Variants in TAFA2 observed in about 807,000 individuals in gnomAD.
TAFA2 encodes TAFA chemokine like family member 2.
A neutral mutation model predicts 18.8 loss-of-function variants in TAFA2; 7 were observed. That is an observed-to-expected ratio of 0.37 (90% confidence interval 0.21 to 0.70). The LOEUF is 0.70. Among genes scored for constraint, TAFA2 ranks in the 30% least tolerant of loss-of-function variants. The probability of loss-of-function intolerance (pLI) is 0.53; values close to 1 mark genes in which losing one functional copy is unlikely to be tolerated. For synonymous variants in TAFA2, 60 were observed against 54.2 expected, an observed-to-expected ratio of 1.11 and a Z score of -0.47; for missense variants, 122 against 158.1, an observed-to-expected ratio of 0.77 and a Z score of 1.23.
At chr12:62,179,612 C>T (rs748386639) in intron 1 of TAFA2, among the ~76,000 whole-genome samples, 15 of 152,240 alleles carry the variant, frequency 9.9e-5, no homozygotes, top group Admixed American at 3.9e-4. Context: ...TTTGGCTCCA[C>T]GCATTTTTCT....
At chr12:61,738,329 A>ACACATC (rs1555198029) in intron 4 of TAFA2, among the ~76,000 whole-genome samples, 1 of 146,742 alleles carries the variant, frequency 6.8e-6, no homozygotes. Context: ...ACACACACAC[A>ACACATC]AACCTAGCTC....
At chr12:61,756,728 T>C (rs1565623080) in intron 2 of TAFA2, among the ~76,000 whole-genome samples, 1 of 151,936 alleles carries the variant, frequency 6.6e-6, no homozygotes, top group Non-Finnish European at 1.5e-5. Flanking sequence ...TGATTCAGAG[T>C]AATTTTGTAG....
intron 1 of TAFA2, among the ~76,000 whole-genome samples, chr12:61,936,623 C>T (rs1044089320): frequency 6.6e-6 from 1 of 151,998 alleles, no homozygotes; most frequent in Non-Finnish European, 1.5e-5. Context: ...TCCAGCATCC[C>T]TTTATAATAA....
chr12:61,843,035 A>C (rs1290899926), intron 2 of TAFA2, among the ~76,000 whole-genome samples: 1 of 152,048 alleles, frequency 6.6e-6, no homozygotes, highest in Admixed American at 6.6e-5. Flanking sequence ...GGAAGTTGAG[A>C]TGAATCACCG....
intron 4 of TAFA2, among the ~76,000 whole-genome samples, chr12:61,739,247 G>C (rs1868359744): frequency 6.6e-6 from 1 of 151,940 alleles, no homozygotes; most frequent in Non-Finnish European, 1.5e-5. Flanking sequence ...ATCCTTGAAG[G>C]CACCAGCAGT....
chr12:61,899,039 G>A (rs1875980382), intron 1 of TAFA2, among the ~76,000 whole-genome samples: 1 of 152,160 alleles, frequency 6.6e-6, no homozygotes, highest in South Asian at 2.1e-4. Context: ...CTAAAGCATA[G>A]CAAGAGTCAC....
chr12:62,139,670 A>T (rs1276224765), intron 1 of TAFA2, among the ~76,000 whole-genome samples: 3 of 152,194 alleles, frequency 2.0e-5, no homozygotes, highest in East Asian at 1.9e-4. Context: ...AGTAACAAGC[A>T]TTACTTGAAC....
chr12:61,760,386 G>A (rs146596499), intron 2 of TAFA2, among the ~76,000 whole-genome samples: 1,210 of 79,732 alleles, frequency 0.015, 38 homozygotes, highest in African/African-American at 0.05. Context: ...ATATATATGC[G>A]CCAGTAAATA....
chr12:62,131,333 A>G (rs1053067646), intron 1 of TAFA2, among the ~76,000 whole-genome samples: 1 of 152,048 alleles, frequency 6.6e-6, no homozygotes, highest in South Asian at 2.1e-4. Context: ...TACGCACTTA[A>G]CCTTACCCAA....
intron 1 of TAFA2, among the ~76,000 whole-genome samples, chr12:62,029,692 C>T (rs1376043522): frequency 6.6e-6 from 1 of 152,040 alleles, no homozygotes; most frequent in Admixed American, 6.6e-5. Flanking sequence ...ATCACCATCA[C>T]CTCATTAGTT....
chr12:61,834,591 G>A (rs1189807853), intron 2 of TAFA2, among the ~76,000 whole-genome samples: 1 of 151,954 alleles, frequency 6.6e-6, no homozygotes, highest in Non-Finnish European at 1.5e-5. Context: ...TTTGTACAAT[G>A]TTTTGCTAAA....
chr12:61,887,853 G>T (rs1383802717), intron 1 of TAFA2, among the ~76,000 whole-genome samples: 1 of 151,642 alleles, frequency 6.6e-6, no homozygotes, highest in East Asian at 1.9e-4. Flanking sequence ...ATTTGGGTTG[G>T]TTCCAAGTCT....
At chr12:61,858,495 A>C (rs1220233370) in intron 2 of TAFA2, among the ~76,000 whole-genome samples, 2 of 152,088 alleles carry the variant, frequency 1.3e-5, no homozygotes, top group African/African-American at 4.8e-5. Context: ...GCAATTCCTC[A>C]AGGATCTAGA....
intron 1 of TAFA2, among the ~76,000 whole-genome samples, chr12:61,940,659 G>A (rs951629506): frequency 1.3e-5 from 2 of 152,204 alleles, no homozygotes; most frequent in African/African-American, 4.8e-5. Context: ...GATACCCCCA[G>A]AATGGGCATC....
intron 1 of TAFA2, among the ~76,000 whole-genome samples, chr12:61,877,827 T>C (rs1874922389): frequency 6.6e-6 from 1 of 151,956 alleles, no homozygotes; most frequent in Non-Finnish European, 1.5e-5. Flanking sequence ...AACTGTATAG[T>C]AGTGTATAAA....
intron 1 of TAFA2, among the ~76,000 whole-genome samples, chr12:61,885,762 G>A (rs576231307): frequency 8.3e-4 from 126 of 152,268 alleles, no homozygotes; most frequent in South Asian, 3.7e-3. Flanking sequence ...GAACTTATAA[G>A]CATTGCTCTT....
At chr12:62,014,465 CA>C (rs59062264) in intron 1 of TAFA2, among the ~76,000 whole-genome samples, 3 of 150,278 alleles carry the variant, frequency 2.0e-5, no homozygotes. Context: ...CCCATCTCTA[CA>C]AAAAAAAATA....
chr12:61,934,256 C>A (rs1331150415), intron 1 of TAFA2, among the ~76,000 whole-genome samples: 2 of 152,138 alleles, frequency 1.3e-5, no homozygotes, highest in African/African-American at 4.8e-5. Context: ...GGGGAGTGGC[C>A]TAAGGTAATA....
At chr12:61,924,580 T>C (rs1101060) in intron 1 of TAFA2, among the ~76,000 whole-genome samples, 47,744 of 152,014 alleles carry the variant, frequency 0.31, 9,842 homozygotes, top group African/African-American at 0.59. Context: ...ACAAGAGTTC[T>C]TGAAGGAAGT....
Sources: allele counts gnomAD v4.1 joint callset (sites outside exome capture counted in the v4.1 genomes callset), GRCh38; gene constraint gnomAD v4.1.1; transcripts MANE v1.5; gene names NCBI Gene and HGNC (gene_info 2026-07-23, HGNC 2026-07-21).